Variants in PPFIA2 observed in about 807,000 individuals in gnomAD.
PPFIA2 encodes liprin-alpha-2.
PPFIA2 carries 46 observed loss-of-function variants against 175.5 expected under a neutral mutation model. The observed-to-expected ratio is 0.26, with a 90% CI of 0.21 to 0.34. The LOEUF is 0.34. Ranked by LOEUF, PPFIA2 falls within the 10% of genes least tolerant of loss-of-function variation. The pLI is 1.00. For missense variants in PPFIA2, 1,179 were observed against 1,506.1 expected, an observed-to-expected ratio of 0.78 and a Z score of 3.60; for synonymous variants, 568 against 511.4, an observed-to-expected ratio of 1.11 and a Z score of -1.49.
At chr12:81,429,285 C>T (rs2047690355) in intron 7 of PPFIA2, among the ~76,000 whole-genome samples, 1 of 151,958 alleles carries the variant, frequency 6.6e-6, no homozygotes, top group Non-Finnish European at 1.5e-5. Flanking sequence ...TTTGCAAAGG[C>T]CCCTCAAAAG....
chr12:81,678,346 T>C (rs1394721873), intron 3 of PPFIA2, among the ~76,000 whole-genome samples: 1 of 151,680 alleles, frequency 6.6e-6, no homozygotes, highest in Admixed American at 6.6e-5. Flanking sequence ...TCCCCTTATA[T>C]TGAAAAAGGG....
chr12:81,584,998 T>C (rs1216059617), intron 4 of PPFIA2, among the ~76,000 whole-genome samples: 1 of 115,596 alleles, frequency 8.7e-6, no homozygotes, highest in Non-Finnish European at 1.7e-5. Flanking sequence ...TTATATATAA[T>C]ATATTAATTA....
chr12:81,709,213 C>T (rs1032595834), intron 3 of PPFIA2, among the ~76,000 whole-genome samples: 1 of 152,080 alleles, frequency 6.6e-6, no homozygotes, highest in Non-Finnish European at 1.5e-5. Context: ...GAAGGCTCTG[C>T]TCCTTGCTCC....
chr12:81,627,605 T>C (rs2062870627), intron 4 of PPFIA2, among the ~76,000 whole-genome samples: 1 of 152,168 alleles, frequency 6.6e-6, no homozygotes, highest in South Asian at 2.1e-4. Context: ...AAGGGCAATG[T>C]AGACATTAAT....
At chr12:81,717,768 T>C (rs746481994) in intron 3 of PPFIA2, among the ~76,000 whole-genome samples, 1 of 151,610 alleles carries the variant, frequency 6.6e-6, no homozygotes, top group Non-Finnish European at 1.5e-5. Context: ...ACAAGCTCCA[T>C]GTAAGGAGAA....
At chr12:81,690,448 T>C in intron 3 of PPFIA2, among the ~76,000 whole-genome samples, 1 of 152,064 alleles carries the variant, frequency 6.6e-6, no homozygotes, top group East Asian at 1.9e-4. Context: ...TTCGCATCTT[T>C]ACACTTAGGC....
At chr12:81,615,997 A>G (rs2061398330) in intron 4 of PPFIA2, among the ~76,000 whole-genome samples, 1 of 152,176 alleles carries the variant, frequency 6.6e-6, no homozygotes, top group African/African-American at 2.4e-5. Flanking sequence ...ACTATCTTTA[A>G]TAACAGATGG....
intron 4 of PPFIA2, among the ~76,000 whole-genome samples, chr12:81,506,271 G>C (rs2061160406): frequency 6.6e-6 from 1 of 151,920 alleles, no homozygotes; most frequent in African/African-American, 2.4e-5. Context: ...TTTCTTTCTT[G>C]TCTGCCTGAA....
At chr12:81,683,744 G>A (rs2074035276) in intron 3 of PPFIA2, among the ~76,000 whole-genome samples, 1 of 151,928 alleles carries the variant, frequency 6.6e-6, no homozygotes, top group African/African-American at 2.4e-5. Flanking sequence ...ATTTTGTGTT[G>A]CTATAAAGGA....
intron 4 of PPFIA2, among the ~76,000 whole-genome samples, chr12:81,618,681 A>T (rs1393912575): frequency 6.6e-6 from 1 of 151,224 alleles, no homozygotes; most frequent in Non-Finnish European, 1.5e-5. Flanking sequence ...GGCACCAGCC[A>T]CCACGCCCAG....
At chr12:81,300,808 A>G (rs1424738893) in intron 22 of PPFIA2, among the ~76,000 whole-genome samples, 20 of 152,098 alleles carry the variant, frequency 1.3e-4, no homozygotes, top group Admixed American at 1.3e-3. Flanking sequence ...TGACAGATAT[A>G]TATATATAGA....
chr12:81,367,248 C>T, intron 13 of PPFIA2, 78 bp from the exon 14 acceptor site: 5 of 933,742 alleles, frequency 5.4e-6, no homozygotes, highest in Non-Finnish European at 7.1e-6. Flanking sequence ...AATATCTTAT[C>T]ACTCAAGAAT....
At chr12:81,392,735 T>C (rs1238134545) in intron 8 of PPFIA2, among the ~76,000 whole-genome samples, 2 of 152,016 alleles carry the variant, frequency 1.3e-5, no homozygotes, top group Non-Finnish European at 2.9e-5. Flanking sequence ...AAACAGACTT[T>C]CCAAACTCAA....
intron 8 of PPFIA2, among the ~76,000 whole-genome samples, chr12:81,391,099 G>A (rs889135399): frequency 3.9e-5 from 6 of 151,902 alleles, no homozygotes; most frequent in African/African-American, 1.4e-4. Context: ...AAGCAAAGAA[G>A]TAATACACAA....
At chr12:81,439,113 AT>A (rs1820424545) in intron 7 of PPFIA2, among the ~76,000 whole-genome samples, 1 of 151,360 alleles carries the variant, frequency 6.6e-6, no homozygotes, top group African/African-American at 2.4e-5. Context: ...AAAAAGAGAG[AT>A]GGGACTATTT....
At chr12:81,458,745 G>A (rs1468634210) in intron 4 of PPFIA2, among the ~76,000 whole-genome samples, 2 of 151,992 alleles carry the variant, frequency 1.3e-5, no homozygotes, top group African/African-American at 2.4e-5. Flanking sequence ...ACCAAAAAAT[G>A]CAACTATTCT....
intron 3 of PPFIA2, among the ~76,000 whole-genome samples, chr12:81,695,293 C>T (rs1170047584): frequency 1.3e-5 from 2 of 152,126 alleles, no homozygotes; most frequent in Non-Finnish European, 2.9e-5. Context: ...AGTCCCAGTG[C>T]TGAAGATAGG....
At chr12:81,484,408 A>G (rs548398445) in intron 4 of PPFIA2, among the ~76,000 whole-genome samples, 1 of 151,888 alleles carries the variant, frequency 6.6e-6, no homozygotes, top group Non-Finnish European at 1.5e-5. Context: ...TTCTAGGAAC[A>G]CTCTGGAGGA....
chr12:81,436,659 A>G (rs749711588), intron 7 of PPFIA2, among the ~76,000 whole-genome samples: 5 of 152,284 alleles, frequency 3.3e-5, no homozygotes, highest in Middle Eastern at 6.8e-3. Context: ...AGAATCAACA[A>G]CTCAAACTGC....
Sources: allele counts gnomAD v4.1 joint callset (sites outside exome capture counted in the v4.1 genomes callset), GRCh38; gene constraint gnomAD v4.1.1; transcripts MANE v1.5; gene names NCBI Gene and HGNC (gene_info 2026-07-23, HGNC 2026-07-21).